The following WDR70 variants were observed in gnomAD, a reference collection of about 807,000 sequenced individuals.
WDR70 encodes WD repeat-containing protein 70.
Under a neutral mutation model 88.6 loss-of-function variants are expected in WDR70, and 53 were observed. That is an observed-to-expected ratio of 0.60 (90% CI 0.48 to 0.75). The LOEUF is 0.75. Among genes scored for constraint, WDR70 ranks in the 30% least tolerant of loss-of-function variants. The pLI is 0.00. For missense variants in WDR70, 610 were observed against 823.2 expected (o/e 0.74, Z 3.17); for synonymous variants, 280 against 270.0 (o/e 1.04, Z -0.36).
chr5:37,669,940 T>C (rs901372216), intron 10 of WDR70, among the ~76,000 whole-genome samples: 1 of 152,242 alleles, frequency 6.6e-6, no homozygotes, highest in African/African-American at 2.4e-5. Context: ...TGTTTTATGA[T>C]TTCATTTGTA....
chr5:37,663,353 G>A (rs1186710159), intron 10 of WDR70, among the ~76,000 whole-genome samples: 1 of 152,130 alleles, frequency 6.6e-6, no homozygotes, highest in East Asian at 1.9e-4. Flanking sequence ...ATTTTACCAA[G>A]ATTTTAAACT....
At chr5:37,730,449 GC>G (rs200922093) in intron 17 of WDR70, among the ~76,000 whole-genome samples, 2 of 4,232 alleles carry the variant, frequency 4.7e-4, no homozygotes, top group African/African-American at 5.5e-4. Flanking sequence ...ATATTGATTT[GC>G]TTTTTTTTTG....
intron 10 of WDR70, among the ~76,000 whole-genome samples, chr5:37,637,425 C>G (rs1020446550): frequency 2.0e-5 from 3 of 150,224 alleles, no homozygotes; most frequent in African/African-American, 4.9e-5. Flanking sequence ...TTTGAAATAC[C>G]CTTGTTGGTG....
At chr5:37,723,102 C>T (rs957893159) in intron 15 of WDR70, 168 bp downstream of exon 15, 7 of 690,852 alleles carry the variant, frequency 1.0e-5, no homozygotes, top group South Asian at 1.9e-5. Context: ...ACCTCTGTGG[C>T]TTCTGTGACT....
chr5:37,723,062 T>A, intron 15 of WDR70, 128 bp downstream of exon 15: 2 of 1,052,888 alleles, frequency 1.9e-6, no homozygotes, highest in Non-Finnish European at 1.4e-6. Context: ...CCCATTCATG[T>A]GGATAGGACT....
chr5:37,514,784 G>A (rs1289900861), intron 8 of WDR70, among the ~76,000 whole-genome samples: 2 of 152,052 alleles, frequency 1.3e-5, no homozygotes, highest in South Asian at 2.1e-4. Context: ...TGGGAGGCGA[G>A]GCAAGCGGAT....
At chr5:37,680,330 T>C (rs1746389328) in intron 10 of WDR70, among the ~76,000 whole-genome samples, 1 of 152,168 alleles carries the variant, frequency 6.6e-6, no homozygotes, top group African/African-American at 2.4e-5. Flanking sequence ...TGTAAAACAT[T>C]TCTCCCATTT....
At chr5:37,671,109 A>G (rs73751104) in intron 10 of WDR70, among the ~76,000 whole-genome samples, 30,297 of 152,098 alleles carry the variant, frequency 0.2, 3,498 homozygotes, top group African/African-American at 0.32. Context: ...AAAACATAGA[A>G]TTATTGGAAT....
intron 7 of WDR70, among the ~76,000 whole-genome samples, chr5:37,468,407 A>G (rs1283463092): frequency 9.2e-5 from 14 of 152,184 alleles, no homozygotes; most frequent in Admixed American, 9.2e-4. Flanking sequence ...ATATATTCCT[A>G]CCACATGGAG....
intron 9 of WDR70, among the ~76,000 whole-genome samples, chr5:37,519,467 C>T (rs923214883): frequency 8.3e-5 from 11 of 131,984 alleles, no homozygotes; most frequent in Non-Finnish European, 1.3e-4. Flanking sequence ...GATGGGCTGC[C>T]GGGCGGAGGC....
At chr5:37,396,726 A>C (rs1749025773) in intron 5 of WDR70, among the ~76,000 whole-genome samples, 156 bp downstream of exon 5, 1 of 152,062 alleles carries the variant, frequency 6.6e-6, no homozygotes. Flanking sequence ...AGTTACTTGG[A>C]AGGCTGAGGC....
At chr5:37,632,665 G>A (rs1055635101) in intron 10 of WDR70, among the ~76,000 whole-genome samples, 1 of 152,138 alleles carries the variant, frequency 6.6e-6, no homozygotes, top group African/African-American at 2.4e-5. Context: ...TGTTTTATGT[G>A]TTATTATAAA....
chr5:37,511,898 A>G (rs1401925833), intron 8 of WDR70, among the ~76,000 whole-genome samples: 1 of 152,226 alleles, frequency 6.6e-6, no homozygotes, highest in Non-Finnish European at 1.5e-5. Context: ...CAAATGTATT[A>G]ATTAGAATTC....
chr5:37,708,558 C>T (rs1014370620), intron 13 of WDR70, among the ~76,000 whole-genome samples: 1 of 151,798 alleles, frequency 6.6e-6, no homozygotes, highest in Non-Finnish European at 1.5e-5. Context: ...TTTTTGTGTT[C>T]TTATTAAGAG....
intron 11 of WDR70, among the ~76,000 whole-genome samples, chr5:37,699,306 A>G (rs1450135686): frequency 6.6e-6 from 1 of 150,952 alleles, no homozygotes; most frequent in African/African-American, 2.4e-5. Context: ...CATTTTGGTG[A>G]TAATTCTTAC....
At chr5:37,502,488 T>C (rs1454061209) in intron 8 of WDR70, among the ~76,000 whole-genome samples, 2 of 152,210 alleles carry the variant, frequency 1.3e-5, no homozygotes, top group East Asian at 3.8e-4. Context: ...CTTGTTTTTA[T>C]CATAAAGGGA....
chr5:37,708,481 C>T (rs1162266592), intron 13 of WDR70, among the ~76,000 whole-genome samples: 1 of 151,808 alleles, frequency 6.6e-6, no homozygotes, highest in African/African-American at 2.4e-5. Context: ...CATAATTATA[C>T]ATAACATAAA....
At chr5:37,399,988 A>G (rs1749145056) in intron 5 of WDR70, among the ~76,000 whole-genome samples, 1 of 152,148 alleles carries the variant, frequency 6.6e-6, no homozygotes, top group Non-Finnish European at 1.5e-5. Flanking sequence ...GCTGGAGTGC[A>G]GTGGCATGAT....
chr5:37,687,510 A>G (rs1447745816), intron 10 of WDR70, among the ~76,000 whole-genome samples: 2 of 152,118 alleles, frequency 1.3e-5, no homozygotes, highest in East Asian at 1.9e-4. Context: ...GCATATATTC[A>G]CTCATTCTGC....
Sources: gnomAD v4.1 joint callset for allele counts (sites outside exome capture counted in the v4.1 genomes callset) on GRCh38, gnomAD v4.1.1 for gene constraint, MANE v1.5 for transcripts, NCBI Gene and HGNC (gene_info 2026-07-23, HGNC 2026-07-21) for gene names.